Variants in CRYBG1 observed in about 807,000 individuals in gnomAD.
CRYBG1 encodes the protein crystallin beta-gamma domain containing 1.
CRYBG1 carries 139 observed loss-of-function variants against 189.2 expected under a neutral mutation model. The ratio of observed to expected loss-of-function variants is 0.73; its 90% CI spans 0.64 to 0.85. The LOEUF (loss-of-function observed/expected upper bound fraction) is 0.85. Among genes scored for constraint, CRYBG1 ranks in the 40% least tolerant of loss-of-function variants. The pLI, the probability that CRYBG1 is intolerant of heterozygous loss-of-function variation, is 0.00. For synonymous variants in CRYBG1, 1,023 were observed against 1,017.1 expected, an observed-to-expected ratio of 1.01 and a Z score of -0.11; for missense variants, 2,611 against 2,675.8, an observed-to-expected ratio of 0.98 and a Z score of 0.53.
chr6:106,493,606 T>A (rs1396658808), intron 2 of CRYBG1, among the ~76,000 whole-genome samples: 3 of 152,142 alleles, frequency 2.0e-5, no homozygotes, highest in Non-Finnish European at 4.4e-5. Flanking sequence ...CATCAACAGA[T>A]AAATGGATAA....
Position 106,544,646 on chromosome 6 carries a change from A to G in CRYBG1, c.5115A>G (p.Lys1705=). 1 of 1,614,134 alleles carries G rather than the reference A, an allele frequency of 6.2e-7. No homozygotes were observed. Residue 1705 remains lysine, a synonymous_variant, in exon 12 of 22, where the codon AAA becomes AAG. Transcript: ENST00000633556. Reference sequence around the variant, plus strand: ...AAGAAGGAGAATACAGGGACTGGAAAGCCTGGGGAGGTTACAATGGAGAGC... The same window carrying G: ...AAGAAGGAGAATACAGGGACTGGAAGGCCTGGGGAGGTTACAATGGAGAGC... ...LLEEGEYRDW[K]AWGGYNGELQ... is the part of the protein sequence containing the mutation.
chr6:106,542,046 CA>C (rs1453908521), intron 10 of CRYBG1, among the ~76,000 whole-genome samples: 1 of 151,972 alleles, frequency 6.6e-6, no homozygotes, highest in Non-Finnish European at 1.5e-5. Flanking sequence ...TATAACTTTT[CA>C]ATTTTCAATT....
chr6:106,507,912 C>T (rs1334513135), intron 2 of CRYBG1, among the ~76,000 whole-genome samples: 2 of 152,032 alleles, frequency 1.3e-5, no homozygotes, highest in African/African-American at 4.8e-5. Context: ...CCCCTGTCAA[C>T]GAGTCTATCA....
At position 106,563,906 on chromosome 6, in the gene CRYBG1, A is replaced by G. The variant is rs768404156; in HGVS notation, c.6281A>G (p.Asn2094Ser). The change falls in exon 21 of 22, where the codon AAT (asparagine) becomes AGT (serine). Residue 2094 changes from asparagine to serine, a missense_variant. Physicochemically the swap from Asn to Ser is conservative, Grantham distance 46. Transcript: ENST00000633556. Reference protein sequence around the residue: ...DGRIYSKLKPNLVLDIKGGTQ... With the variant: ...DGRIYSKLKPSLVLDIKGGTQ... ...AGGATTTACAGCAAGTTGAAGCCAA[A>G]TTTAGTTTTAGACATTAAAGGTAAG... The G allele has an allele frequency of 6.2e-6, 10 of 1,612,306 alleles. No homozygotes were observed. In the South Asian group the frequency reaches 1.1e-4, roughly 18 times the overall value.
rs74499423 is a variant in CRYBG1 at position 106,432,170 on chromosome 6, C to A, written c.174-19524C>A. Among the ~76,000 whole-genome samples the A allele has an allele frequency of 8.4e-3, 1,281 of 152,246 alleles. 11 individuals are homozygous for A. The highest frequency in any genetic ancestry group is 0.012 in the Admixed American group (190 of 15,286). ...ACGACTCTTAATTGTACCTCATAACCTAGATTCCTTGGGAGATGAATCACT... is the reference window on the plus strand; with the variant it reads ...ACGACTCTTAATTGTACCTCATAACATAGATTCCTTGGGAGATGAATCACT... On this transcript the variant is annotated intron_variant, in intron 1 of 21. Transcript: ENST00000633556.
Position 106,558,489 on chromosome 6 carries a change from T to C in CRYBG1, c.5719T>C (p.Phe1907Leu), listed in dbSNP as rs765585422. ...FKSLRFIDVE[F>L]SEPTIILFER... ...CATTGTTTTTGTTCCTCAACAGGAA[T>C]TTTCTGAACCAACAATTATTCTCTT... The change falls in exon 18 of 22, where the codon TTT becomes CTT. Residue 1907 changes from phenylalanine (F) to leucine (L), a missense_variant. Physicochemically the swap from Phe to Leu is conservative, Grantham distance 22. Coordinates refer to ENST00000633556, the MANE Select transcript of CRYBG1 (RefSeq NM_001371242.2). 7 of 1,587,668 alleles carry C rather than the reference T, an allele frequency of 4.4e-6. No individual in the cohort carries two copies. The highest frequency in any genetic ancestry group is 6.0e-6 in the Non-Finnish European group (7 of 1,164,670).
intron 8 of CRYBG1, among the ~76,000 whole-genome samples, chr6:106,536,267 C>T (rs1202521561): frequency 6.6e-6 from 1 of 152,158 alleles, no homozygotes; most frequent in Non-Finnish European, 1.5e-5. Context: ...TAGATAGTGC[C>T]ATATATTTAT....
rs770327593 is a variant in CRYBG1 at position 106,553,534 on chromosome 6, T to A, written c.5552T>A (p.Phe1851Tyr). ...EETTSQIDDS[F>Y]STKSCRVSGG... is the part of the protein sequence containing the mutation. Reference sequence around the variant, plus strand: ...ACAACAAGTCAAATTGATGATTCATTTTCTACCAAGTCTTGCAGAGTTTCA... The same window carrying A: ...ACAACAAGTCAAATTGATGATTCATATTCTACCAAGTCTTGCAGAGTTTCA... The change falls in exon 16 of 22, where the codon TTT becomes TAT. Residue 1851 changes from phenylalanine to tyrosine, a missense_variant. Phe to Tyr is a conservative substitution (Grantham distance 22). This residue lies in a region of CRYBG1 where 1,622 missense variants were observed against 1,735.0 expected (regional missense o/e 0.93). Transcript: ENST00000633556. 1 of 1,613,862 alleles carries A rather than the reference T, an allele frequency of 6.2e-7. No homozygotes were observed. The highest frequency in any genetic ancestry group is 8.5e-7 in the Non-Finnish European group (1 of 1,179,740).
At chr6:106,364,689 C>G (rs1162699513) in intron 1 of CRYBG1, among the ~76,000 whole-genome samples, 1 of 152,192 alleles carries the variant, frequency 6.6e-6, no homozygotes, top group Non-Finnish European at 1.5e-5. Context: ...CACTTAGCAG[C>G]CACTAGTGGC....
At chr6:106,565,882 C>T (rs576895057) in intron 21 of CRYBG1, among the ~76,000 whole-genome samples, 1 of 152,160 alleles carries the variant, frequency 6.6e-6, no homozygotes, top group African/African-American at 2.4e-5. Flanking sequence ...TAGAGTGCTT[C>T]AGTGTTGACA....
chr6:106,561,319 C>T (rs1338201640), intron 19 of CRYBG1, 23 bp from the exon 20 acceptor site: 2 of 1,610,858 alleles, frequency 1.2e-6, no homozygotes, highest in East Asian at 2.2e-5. Flanking sequence ...GGTATAACAA[C>T]TGCTGGGGGT....
chr6:106,513,871 A>C (rs1166441002), intron 3 of CRYBG1, among the ~76,000 whole-genome samples: 1 of 152,222 alleles, frequency 6.6e-6, no homozygotes, highest in African/African-American at 2.4e-5. Context: ...CTTGCTGTTA[A>C]GTTTATTCAT....
At chr6:106,398,938 C>T (rs938591664) in intron 1 of CRYBG1, among the ~76,000 whole-genome samples, 3 of 152,140 alleles carry the variant, frequency 2.0e-5, no homozygotes, top group African/African-American at 4.8e-5. Context: ...AAAGATTTGT[C>T]GAGTAAATAA....
At chr6:106,528,085 C>A (rs1773794433) in intron 7 of CRYBG1, among the ~76,000 whole-genome samples, 1 of 151,982 alleles carries the variant, frequency 6.6e-6, no homozygotes, top group African/African-American at 2.4e-5. Flanking sequence ...ATTAAAATCC[C>A]AAGTTTTAAT....
chr6:106,384,368 G>A (rs1770345416), intron 1 of CRYBG1, among the ~76,000 whole-genome samples: 1 of 152,066 alleles, frequency 6.6e-6, no homozygotes, highest in South Asian at 2.1e-4. Context: ...TGATTTAAGT[G>A]CATTACACTT....
chr6:106,533,296 A>G (rs1371137043), intron 8 of CRYBG1, among the ~76,000 whole-genome samples: 1 of 152,226 alleles, frequency 6.6e-6, no homozygotes, highest in African/African-American at 2.4e-5. Context: ...CTTGGGCAAT[A>G]GCTAAGAGGC....
chr6:106,494,380 C>T (rs12211021), intron 2 of CRYBG1, among the ~76,000 whole-genome samples: 27,004 of 152,054 alleles, frequency 0.18, 2,454 homozygotes, highest in Non-Finnish European at 0.19. Flanking sequence ...GTACATTTTA[C>T]GTTTTGTGCT....
intron 7 of CRYBG1, among the ~76,000 whole-genome samples, chr6:106,529,454 GATA>G (rs1773827927): frequency 6.6e-6 from 1 of 152,110 alleles, no homozygotes; most frequent in African/African-American, 2.4e-5. Flanking sequence ...TGTTCCTTTT[GATA>G]ATATTTGAAA....
chr6:106,381,504 T>G (rs1434032952), intron 1 of CRYBG1, among the ~76,000 whole-genome samples: 1 of 152,094 alleles, frequency 6.6e-6, no homozygotes. Flanking sequence ...CTTAGGTGAG[T>G]TCAGCTAGAA....
Sources: allele counts gnomAD v4.1 joint callset (sites outside exome capture counted in the v4.1 genomes callset), GRCh38; gene constraint gnomAD v4.1.1; regional missense constraint gnomAD v4.1.1; transcripts MANE v1.5; gene names NCBI Gene and HGNC (gene_info 2026-07-23, HGNC 2026-07-21).